ZEB1: variants seen among roughly 807,000 people sequenced by gnomAD.
ZEB1 encodes zinc finger E-box-binding homeobox 1.
A neutral mutation model predicts 84.9 loss-of-function variants in ZEB1; 21 were observed. That is an observed-to-expected ratio of 0.25 (90% CI 0.18 to 0.36). The LOEUF is 0.36. ZEB1 is among the 10% of genes least tolerant of loss of function. The pLI, the probability that ZEB1 is intolerant of heterozygous loss-of-function variation, is 1.00. For synonymous variants in ZEB1, 420 were observed against 471.1 expected (o/e 0.89, Z 1.41); for missense variants, 1,104 against 1,330.2 (o/e 0.83, Z 2.65).
At chr10:31,514,057 G>GA (rs145748123) in intron 5 of ZEB1, among the ~76,000 whole-genome samples, 2,319 of 152,106 alleles carry the variant, frequency 0.015, 56 homozygotes, top group African/African-American at 0.053. Flanking sequence ...ACATTTGGCT[G>GA]AAAAAACTGG....
intron 1 of ZEB1, among the ~76,000 whole-genome samples, chr10:31,351,745 T>C (rs138146796): frequency 1.3e-5 from 2 of 152,328 alleles, no homozygotes; most frequent in African/African-American, 4.8e-5. Flanking sequence ...TCTAAAAATA[T>C]TCCTTTAAGT....
At chr10:31,372,815 A>C (rs2045947855) in intron 1 of ZEB1, among the ~76,000 whole-genome samples, 1 of 151,870 alleles carries the variant, frequency 6.6e-6, no homozygotes, top group African/African-American at 2.4e-5. Context: ...CTTTTTGGTG[A>C]GGGATTGAAA....
intron 1 of ZEB1, among the ~76,000 whole-genome samples, chr10:31,451,424 A>G (rs774347870): frequency 1.3e-5 from 2 of 151,910 alleles, no homozygotes; most frequent in African/African-American, 2.4e-5. Context: ...TGGCTTCTCT[A>G]TTTTTTGACT....
In ZEB1 at chr10:31,454,376, A is replaced by C. The variant is rs567513359; in HGVS notation, c.59-6661A>C. Among the ~76,000 whole-genome samples the C allele has an allele frequency of 3.9e-5, 6 of 152,124 alleles. No individual in the cohort carries two copies. The East Asian group carries it at 1.2e-3, about 29-fold the overall frequency. Reference sequence around the variant, plus strand: ...CAAGACAAAGATGCCCTCTCTCACCACTCCTATTCAACATAGTGTTGGAAT... The same window carrying C: ...CAAGACAAAGATGCCCTCTCTCACCCCTCCTATTCAACATAGTGTTGGAAT... On this transcript the variant is annotated intron_variant, in intron 1 of 8. Transcript: ENST00000424869.
rs752761658 is a variant in ZEB1, at chr10:31,520,239, C to T, written c.907C>T (p.Pro303Ser). The change falls in exon 7 of 9, where the codon CCA becomes TCA. Residue 303 changes from proline (P) to serine (S), a missense_variant. Physicochemically the swap from Pro to Ser is moderately conservative, Grantham distance 74 (BLOSUM62 -1). Around this residue, in one of 7 missense-constraint regions of ZEB1, gnomAD observed 111 missense variants for 161.8 expected, o/e 0.69. Coordinates refer to ENST00000424869, the MANE Select transcript of ZEB1 (RefSeq NM_001174096.2). This position sits in a 1 kb window ranked among gnomAD's most constrained non-coding sequence, Gnocchi z 5.1. ...CISLIPVNGRPRTGLKTSQCS... is the reference protein window; with the variant it reads ...CISLIPVNGRSRTGLKTSQCS... ...CAGCTTGATACCTGTGAATGGGCGA[C>T]CAAGAACAGGACTCAAGACATCTCA... is the stretch of plus-strand genomic sequence containing the variant. 11 of 1,613,916 alleles carry T rather than the reference C, an allele frequency of 6.8e-6. 1 individual carries two copies. The South Asian group carries it at 1.2e-4, about 18-fold the overall frequency.
At chr10:31,524,867 A>T (rs572880020) in intron 8 of ZEB1, among the ~76,000 whole-genome samples, 1 of 152,212 alleles carries the variant, frequency 6.6e-6, no homozygotes, top group African/African-American at 2.4e-5. Context: ...TTTAAGTAAG[A>T]AGTTCTGCCT....
At chr10:31,348,735 G>GA (rs1186950077) in intron 1 of ZEB1, among the ~76,000 whole-genome samples, 2 of 151,918 alleles carry the variant, frequency 1.3e-5, no homozygotes, top group Non-Finnish European at 2.9e-5. Flanking sequence ...TTAGGTTACA[G>GA]AATGACTCAA....
intron 1 of ZEB1, among the ~76,000 whole-genome samples, chr10:31,386,405 A>G (rs1313273107): frequency 6.6e-6 from 1 of 151,670 alleles, no homozygotes; most frequent in Non-Finnish European, 1.5e-5. Flanking sequence ...ATATTTTCAA[A>G]CTCCTCAGAA....
intron 1 of ZEB1, among the ~76,000 whole-genome samples, chr10:31,370,823 A>G (rs934791488): frequency 6.6e-6 from 1 of 152,250 alleles, no homozygotes; most frequent in Non-Finnish European, 1.5e-5. Flanking sequence ...AAATAATGTC[A>G]TATGACTGGA....
intron 2 of ZEB1, among the ~76,000 whole-genome samples, chr10:31,475,089 T>G (rs1000820828): frequency 6.6e-6 from 1 of 151,364 alleles, no homozygotes; most frequent in Non-Finnish European, 1.5e-5. Flanking sequence ...AGGGATAGCA[T>G]TGGGAGATAT....
In ZEB1 at chr10:31,527,130, G is replaced by A. The variant is rs140217290; in HGVS notation, c.3244G>A (p.Glu1082Lys). Residue 1082 changes from glutamate (E) to lysine (K), a missense_variant, in exon 9 of 9, where the codon GAG (glutamate) becomes AAG (lysine). Physicochemically the swap from Glu to Lys is moderately conservative, Grantham distance 56. Transcript: ENST00000424869. ...EVEEEEVEEA[E>K]NEGEEAKTEG... is the part of the protein sequence containing the mutation. ...GGAAGAAGAAGAGGTAGAAGAGGCA[G>A]AGAATGAGGGAGAAGAAGCAAAAAC... 6.2e-7 allele frequency: 1 copy of A among 1,607,418 alleles called. No homozygotes were observed. Among genetic ancestry groups the A allele is most frequent in the Non-Finnish European group, 8.5e-7 (1 of 1,176,750 alleles).
chr10:31,459,318 T>G (rs1408827464), intron 1 of ZEB1, among the ~76,000 whole-genome samples: 1 of 152,128 alleles, frequency 6.6e-6, no homozygotes, highest in Non-Finnish European at 1.5e-5. Context: ...CACACATTTG[T>G]ATATAGGTGA....
intron 1 of ZEB1, among the ~76,000 whole-genome samples, chr10:31,412,480 A>G (rs1180090903): frequency 3.3e-5 from 5 of 152,016 alleles, no homozygotes; most frequent in African/African-American, 9.7e-5. Flanking sequence ...TCATTGTTCA[A>G]TTCCTACCTA....
intron 6 of ZEB1, among the ~76,000 whole-genome samples, chr10:31,518,923 A>T (rs2071718258): frequency 6.6e-6 from 1 of 152,194 alleles, no homozygotes; most frequent in African/African-American, 2.4e-5. Flanking sequence ...ACATGTTTAA[A>T]CTATAGCATT....
chr10:31,493,034 G>A (rs1408001337), intron 2 of ZEB1, among the ~76,000 whole-genome samples: 1 of 151,808 alleles, frequency 6.6e-6, no homozygotes, highest in Non-Finnish European at 1.5e-5. Flanking sequence ...GTCACAACAA[G>A]CATATTGACA....
chr10:31,427,592 G>A (rs954480723), intron 1 of ZEB1, among the ~76,000 whole-genome samples: 5 of 152,028 alleles, frequency 3.3e-5, no homozygotes, highest in South Asian at 2.1e-4. Context: ...GTGGCTCAAC[G>A]CCTGTAATCC....
intron 2 of ZEB1, among the ~76,000 whole-genome samples, chr10:31,463,580 A>G (rs1268086141): frequency 1.3e-5 from 2 of 152,192 alleles, no homozygotes; most frequent in Non-Finnish European, 2.9e-5. Context: ...AGGATGAACT[A>G]AAAGCAAACC....
chr10:31,372,050 A>C (rs1398727679), intron 1 of ZEB1, among the ~76,000 whole-genome samples: 1 of 152,090 alleles, frequency 6.6e-6, no homozygotes, highest in Non-Finnish European at 1.5e-5. Flanking sequence ...TGCACATAGA[A>C]TATATGAGAA....
At chr10:31,469,351 G>A (rs577442677) in intron 2 of ZEB1, among the ~76,000 whole-genome samples, 4 of 152,306 alleles carry the variant, frequency 2.6e-5, no homozygotes, top group Non-Finnish European at 5.9e-5. Flanking sequence ...GTCAGTGGGT[G>A]CGCGCACCAT....
Sources: allele counts gnomAD v4.1 joint callset (sites outside exome capture counted in the v4.1 genomes callset), GRCh38; gene constraint gnomAD v4.1.1; regional missense constraint gnomAD v4.1.1; non-coding constraint Gnocchi (gnomAD v3.1); transcripts MANE v1.5; gene names NCBI Gene and HGNC (gene_info 2026-07-23, HGNC 2026-07-21).